HECW1: variants seen among roughly 807,000 people sequenced by gnomAD.
The protein encoded by HECW1 is E3 ubiquitin-protein ligase HECW1.
In HECW1, 61 loss-of-function variants were observed where a neutral mutation model predicts 182.3. The observed-to-expected ratio is 0.33, with a 90% CI of 0.27 to 0.41. The LOEUF is 0.41. Among genes scored for constraint, HECW1 ranks in the 10% least tolerant of loss-of-function variants. The probability of loss-of-function intolerance (pLI) is 1.00; values close to 1 mark genes in which losing one functional copy is unlikely to be tolerated. For synonymous variants in HECW1, 859 were observed against 832.6 expected (o/e 1.03, Z -0.55); for missense variants, 1,739 against 2,108.9 (o/e 0.82, Z 3.44).
intron 2 of HECW1, among the ~76,000 whole-genome samples, chr7:43,230,971 G>A (rs1797831129): frequency 6.6e-6 from 1 of 152,202 alleles, no homozygotes; most frequent in African/African-American, 2.4e-5. Context: ...CAGCTCCTGA[G>A]TTTGACATGC....
At chr7:43,302,950 T>TGCGCGCGCACACAC (rs60618828) in intron 3 of HECW1, among the ~76,000 whole-genome samples, 8 of 151,594 alleles carry the variant, frequency 5.3e-5, no homozygotes, top group African/African-American at 1.9e-4. Context: ...CACACACACA[T>TGCGCGCGCACACAC]GCGCGCACAC....
chr7:43,154,428 G>C (rs573328216), intron 2 of HECW1, among the ~76,000 whole-genome samples: 2 of 152,118 alleles, frequency 1.3e-5, no homozygotes, highest in East Asian at 3.9e-4. Context: ...AATAAATTAT[G>C]GTAAAATCTC....
At chr7:43,216,349 T>C (rs1796440790) in intron 2 of HECW1, among the ~76,000 whole-genome samples, 1 of 152,128 alleles carries the variant, frequency 6.6e-6, no homozygotes, top group African/African-American at 2.4e-5. Context: ...TTTCACCATA[T>C]TGGCCAGGCT....
At chr7:43,266,623 C>T (rs887881831) in intron 3 of HECW1, among the ~76,000 whole-genome samples, 2 of 152,194 alleles carry the variant, frequency 1.3e-5, no homozygotes, top group Non-Finnish European at 2.9e-5. Flanking sequence ...CGTGAGCCAC[C>T]GTGCCCGGCC....
At chr7:43,356,675 A>G (rs1815178963) in intron 5 of HECW1, among the ~76,000 whole-genome samples, 4 of 152,244 alleles carry the variant, frequency 2.6e-5, no homozygotes, top group Admixed American at 1.3e-4. Flanking sequence ...TCAAAAAAGT[A>G]GAAATCTTAT....
rs991290800 is a variant in HECW1, at chr7:43,407,847, G to A, written c.801+116G>A. 3 of 920,550 alleles carry A rather than the reference G, an allele frequency of 3.3e-6. No homozygotes were observed. In the African/African-American group the frequency reaches 5.0e-5, roughly 15 times the overall value. The allele number at this position is 920,550 out of a possible 1,614,324, so 57.0% of individuals were successfully genotyped here. ...CCTGGACTCTGCTGCTCAATCTATG[G>A]CTGTCATGGTCTTAGAAGGGAGCCA... On this transcript the variant is annotated intron_variant, in intron 8 of 29. Transcript: ENST00000395891.
intron 6 of HECW1, 79 bp downstream of exon 6, chr7:43,361,059 T>TGCGTGC (rs56264666): frequency 1.2e-4 from 17 of 138,852 alleles, no homozygotes; most frequent in South Asian, 1.1e-3. Flanking sequence ...TGTGCGTGCG[T>TGCGTGC]GTGTGTGTGT....
At chr7:43,321,830 T>C (rs1364893570) in intron 5 of HECW1, among the ~76,000 whole-genome samples, 2 of 152,224 alleles carry the variant, frequency 1.3e-5, no homozygotes, top group Non-Finnish European at 2.9e-5. Flanking sequence ...TAAGACCTGC[T>C]GTATTTCAAG....
chr7:43,288,133 C>T (rs889020924), intron 3 of HECW1, among the ~76,000 whole-genome samples: 11 of 152,260 alleles, frequency 7.2e-5, no homozygotes, highest in Admixed American at 2.6e-4. Flanking sequence ...GTTATATTAA[C>T]ATCTCTTCTT....
At chr7:43,500,377 T>A (rs1288465595) in intron 19 of HECW1, among the ~76,000 whole-genome samples, 1 of 151,996 alleles carries the variant, frequency 6.6e-6, no homozygotes, top group African/African-American at 2.4e-5. Flanking sequence ...GGATTACAAG[T>A]GTGAGCCACT....
At chr7:43,310,495 C>T (rs1438835711) in intron 3 of HECW1, among the ~76,000 whole-genome samples, 2 of 152,170 alleles carry the variant, frequency 1.3e-5, no homozygotes, top group African/African-American at 2.4e-5. Flanking sequence ...CAGCAACCAT[C>T]AGTAGGGCCA....
At chr7:43,377,002 T>C (rs556347398) in intron 6 of HECW1, among the ~76,000 whole-genome samples, 1 of 151,956 alleles carries the variant, frequency 6.6e-6, no homozygotes, top group African/African-American at 2.4e-5. Context: ...GAAAAATAAA[T>C]TCTTACTTCC....
intron 9 of HECW1, among the ~76,000 whole-genome samples, chr7:43,441,106 C>T (rs1230897570): frequency 6.6e-6 from 1 of 152,212 alleles, no homozygotes; most frequent in East Asian, 1.9e-4. Context: ...GGTGGTCACT[C>T]TTCCTATTTA....
At chr7:43,117,431 C>T (rs547480981) in intron 2 of HECW1, among the ~76,000 whole-genome samples, 20 of 152,048 alleles carry the variant, frequency 1.3e-4, no homozygotes, top group Non-Finnish European at 1.3e-4. Flanking sequence ...ACCCCCCACC[C>T]GCCCCACCAA....
chr7:43,215,374 G>A (rs569286848), intron 2 of HECW1, among the ~76,000 whole-genome samples: 1 of 152,360 alleles, frequency 6.6e-6, no homozygotes, highest in Admixed American at 6.5e-5. Context: ...GGCTGACCCA[G>A]CCAGTGCTGG....
chr7:43,124,645 C>T (rs1352443990), intron 2 of HECW1, among the ~76,000 whole-genome samples: 4 of 152,144 alleles, frequency 2.6e-5, no homozygotes, highest in Non-Finnish European at 5.9e-5. Flanking sequence ...CCTCAGGGTG[C>T]AGGCTGGTGG....
chr7:43,215,679 AATTTTTGGTAAATGGTCCATGGAT>A, intron 2 of HECW1, among the ~76,000 whole-genome samples: 1 of 152,202 alleles, frequency 6.6e-6, no homozygotes, highest in South Asian at 2.1e-4. Context: ...TTGTATAATC[AATTTTTGGTAAATGGTCCATGGAT>A]ATTAGAAAAC....
chr7:43,480,416 T>C (rs1451404139), intron 17 of HECW1, among the ~76,000 whole-genome samples: 1 of 152,178 alleles, frequency 6.6e-6, no homozygotes, highest in Admixed American at 6.5e-5. Flanking sequence ...TGAGCAAATT[T>C]CTTTTTATGT....
intron 2 of HECW1, among the ~76,000 whole-genome samples, chr7:43,145,914 G>A (rs576438716): frequency 1.3e-4 from 20 of 152,280 alleles, no homozygotes; most frequent in African/African-American, 4.3e-4. Flanking sequence ...CTTGCTGAAC[G>A]GTGTTGGTTT....
Sources: allele counts gnomAD v4.1 joint callset (sites outside exome capture counted in the v4.1 genomes callset), GRCh38; gene constraint gnomAD v4.1.1; transcripts MANE v1.5; gene names NCBI Gene and HGNC (gene_info 2026-07-23, HGNC 2026-07-21).